Variants in LCMT1 observed in about 807,000 individuals in gnomAD.
The protein encoded by LCMT1 is leucine carboxyl methyltransferase 1.
In LCMT1, 32 loss-of-function variants were observed where a neutral mutation model predicts 47.7. The ratio of observed to expected loss-of-function variants is 0.67; its 90% confidence interval spans 0.51 to 0.90. LCMT1 has a LOEUF of 0.90. Ranked by LOEUF, LCMT1 falls within the 40% of genes least tolerant of loss-of-function variation. The probability of loss-of-function intolerance (pLI) is 0.00; values close to 1 mark genes in which losing one functional copy is unlikely to be tolerated. For synonymous variants in LCMT1, 152 were observed against 149.7 expected, an observed-to-expected ratio of 1.02 and a Z score of -0.11; for missense variants, 375 against 415.2, an observed-to-expected ratio of 0.90 and a Z score of 0.84.
chr16:25,152,816 C>A (rs1283749853), intron 5 of LCMT1, among the ~76,000 whole-genome samples: 1 of 152,166 alleles, frequency 6.6e-6, no homozygotes, highest in African/African-American at 2.4e-5. Flanking sequence ...AGTCAATTTT[C>A]TCCGTTTTTT....
At chr16:25,138,520 CGTGT>C (rs562711822) in intron 3 of LCMT1, among the ~76,000 whole-genome samples, 2 of 151,158 alleles carry the variant, frequency 1.3e-5, no homozygotes, top group Non-Finnish European at 3.0e-5. Flanking sequence ...TGCGCATGTG[CGTGT>C]GTGTGTGTGG....
At chr16:25,173,756 G>A (rs1961845602) in intron 9 of LCMT1, among the ~76,000 whole-genome samples, 1 of 151,714 alleles carries the variant, frequency 6.6e-6, no homozygotes, top group Admixed American at 6.6e-5. Flanking sequence ...TGTTGCCTAG[G>A]CTGGTCTCAA....
chr16:25,147,422 C>A (rs277913), intron 4 of LCMT1: 99,251 of 152,002 alleles, frequency 0.65, 33,198 homozygotes, highest in Non-Finnish European at 0.74. Context: ...TGTGGAGGTC[C>A]GCTTCTTCAG....
chr16:25,170,896 A>C, intron 9 of LCMT1, 91 bp downstream of exon 9: 1 of 833,532 alleles, frequency 1.2e-6, no homozygotes, highest in Non-Finnish European at 1.9e-6. Flanking sequence ...AAACAGAACA[A>C]TATGTGGAGA....
intron 3 of LCMT1, among the ~76,000 whole-genome samples, chr16:25,139,126 G>A (rs764577888): frequency 6.1e-4 from 93 of 152,074 alleles, no homozygotes; most frequent in Non-Finnish European, 1.1e-3. Flanking sequence ...TGGCCAGGAT[G>A]GTCTCGGTCT....
intron 5 of LCMT1, among the ~76,000 whole-genome samples, chr16:25,155,861 G>C (rs1165612976): frequency 6.6e-6 from 1 of 151,856 alleles, no homozygotes; most frequent in Non-Finnish European, 1.5e-5. Flanking sequence ...TAAATTTTTT[G>C]GGGAGAGACA....
rs901542445 is a variant in LCMT1 at position 25,157,050 on chromosome 16, CATG to C, written c.467-4050_467-4048del. On this transcript the variant is annotated intron_variant, in intron 5 of 10. Coordinates refer to ENST00000399069, the MANE Select transcript of LCMT1 (RefSeq NM_016309.3). ...ATAATTAGTTTGTCATAGAAGATACCATGAATGGGATTGATGGGGTTCACTACA... is the reference window on the plus strand; with the variant it reads ...ATAATTAGTTTGTCATAGAAGATACCAATGGGATTGATGGGGTTCACTACA... Among the ~76,000 whole-genome samples, 4 of 150,790 alleles carry C rather than the reference CATG, an allele frequency of 2.7e-5. No individual in the cohort carries two copies. In the Admixed American group the frequency reaches 2.7e-4, roughly 10 times the overall value.
At chr16:25,130,838 G>A (rs926188925) in intron 2 of LCMT1, among the ~76,000 whole-genome samples, 2 of 152,202 alleles carry the variant, frequency 1.3e-5, no homozygotes, top group East Asian at 1.9e-4. Context: ...ATCTGGATGT[G>A]CATGTGCCAT....
chr16:25,144,355 T>C lies in LCMT1; in HGVS notation c.404+4108T>C, dbSNP rs140744191. On this transcript the variant is annotated intron_variant, in intron 4 of 10. Coordinates refer to ENST00000399069, the MANE Select transcript of LCMT1 (RefSeq NM_016309.3). ...TTTGGGGAGGAAGGGCTTTAGTTTC[T>C]GTAGTCTCCTTCAGGCTTACTACTG... 3.9e-3 allele frequency: 599 copies of C among 152,380 alleles called. 3 individuals are homozygous for C. Among genetic ancestry groups the C allele is most frequent in the Middle Eastern group, 6.8e-3 (2 of 294 alleles). 9.4% of individuals were successfully genotyped at this position (152,380 alleles called of 1,614,324 possible).
intron 1 of LCMT1, among the ~76,000 whole-genome samples, chr16:25,113,497 G>T (rs1405393017): frequency 6.6e-6 from 1 of 152,208 alleles, no homozygotes; most frequent in East Asian, 1.9e-4. Context: ...CATCATAGGT[G>T]GGTGTGGACA....
chr16:25,126,653 G>A (rs138613774), intron 1 of LCMT1, among the ~76,000 whole-genome samples: 1 of 152,212 alleles, frequency 6.6e-6, no homozygotes, highest in Admixed American at 6.5e-5. Context: ...ATTGAACAGT[G>A]TAAAGAATCT....
intron 10 of LCMT1, among the ~76,000 whole-genome samples, chr16:25,176,033 A>C (rs1157446568): frequency 6.6e-6 from 1 of 152,192 alleles, no homozygotes; most frequent in Non-Finnish European, 1.5e-5. Context: ...CTGGATGTTA[A>C]ACGCACAGAT....
intron 1 of LCMT1, among the ~76,000 whole-genome samples, chr16:25,122,624 C>T (rs1960027207): frequency 6.6e-6 from 1 of 151,300 alleles, no homozygotes; most frequent in Admixed American, 6.6e-5. Context: ...CCACTGCTTC[C>T]AGCCCTTGTT....
intron 1 of LCMT1, among the ~76,000 whole-genome samples, chr16:25,125,415 G>C (rs751832594): frequency 2.0e-5 from 3 of 152,272 alleles, no homozygotes; most frequent in African/African-American, 4.8e-5. Context: ...CATTGTGTAC[G>C]CATGTGTTTC....
At chr16:25,123,642 C>CT (rs1436552590) in intron 1 of LCMT1, among the ~76,000 whole-genome samples, 2 of 111,452 alleles carry the variant, frequency 1.8e-5, no homozygotes, top group Non-Finnish European at 3.3e-5. Flanking sequence ...GAGTCTTGCT[C>CT]TGTCACCCAG....
chr16:25,128,640 G>A, intron 2 of LCMT1, 74 bp downstream of exon 2: 1 of 1,112,196 alleles, frequency 9.0e-7, no homozygotes, highest in Non-Finnish European at 1.3e-6. Context: ...CTTGAAGGAA[G>A]TCGTGGTGTG....
In LCMT1 at chr16:25,170,809, T is replaced by A; in HGVS notation, c.884+4T>A. 6.3e-7 allele frequency: 1 copy of A among 1,596,498 alleles called. No individual in the cohort carries two copies. The highest frequency in any genetic ancestry group is 2.3e-5 in the East Asian group (1 of 44,372). ...TACCTCGAGCTGAAGTGAGCAGGTATGGGGTTGGTGAGCGTCAGCTTGATG... is the reference window on the plus strand; with the variant it reads ...TACCTCGAGCTGAAGTGAGCAGGTAAGGGGTTGGTGAGCGTCAGCTTGATG... On this transcript the variant is annotated splice_donor_region_variant and intron_variant, in intron 9 of 10. Coordinates refer to ENST00000399069, the MANE Select transcript of LCMT1 (RefSeq NM_016309.3).
At chr16:25,138,520 CGTGTGTGTGTGTGGTT>C (rs890483447) in intron 3 of LCMT1, among the ~76,000 whole-genome samples, 4 of 151,272 alleles carry the variant, frequency 2.6e-5, no homozygotes, top group South Asian at 4.2e-4. Flanking sequence ...TGCGCATGTG[CGTGTGTGTGTGTGGTT>C]GTGTGTGTGT....
chr16:25,156,177 C>G (rs1035158849), intron 5 of LCMT1, among the ~76,000 whole-genome samples: 1 of 152,182 alleles, frequency 6.6e-6, no homozygotes, highest in Non-Finnish European at 1.5e-5. Flanking sequence ...AGACAGACCC[C>G]CTTCCTGCCG....
Sources: allele counts gnomAD v4.1 joint callset (sites outside exome capture counted in the v4.1 genomes callset), GRCh38; gene constraint gnomAD v4.1.1; transcripts MANE v1.5; gene names NCBI Gene and HGNC (gene_info 2026-07-23, HGNC 2026-07-21).